LRP1B: variants seen among roughly 807,000 people sequenced by gnomAD.
LRP1B encodes LDL receptor related protein 1B, also known as low-density lipoprotein receptor-related protein 1B.
LRP1B carries 217 observed loss-of-function variants against 556.6 expected under a neutral mutation model. The observed-to-expected ratio is 0.39, with a 90% CI of 0.35 to 0.44. LRP1B has a LOEUF of 0.44. Among genes scored for constraint, LRP1B ranks in the 20% least tolerant of loss-of-function variants. The pLI is 1.00. For missense variants in LRP1B, 5,053 were observed against 5,620.8 expected, an observed-to-expected ratio of 0.90 and a Z score of 3.23; for synonymous variants, 2,047 against 1,865.8, an observed-to-expected ratio of 1.10 and a Z score of -2.50.
At chr2:141,396,626 A>G (rs1281422501) in intron 3 of LRP1B, among the ~76,000 whole-genome samples, 1 of 152,196 alleles carries the variant, frequency 6.6e-6, no homozygotes. Context: ...TTCAGGAATA[A>G]AATTGTAGAT....
chr2:141,813,471 T>G (rs1401607933), intron 1 of LRP1B, among the ~76,000 whole-genome samples: 1 of 151,824 alleles, frequency 6.6e-6, no homozygotes, highest in East Asian at 1.9e-4. Context: ...CTCAGCAAAT[T>G]TAAGGAACAC....
chr2:142,126,725 G>A (rs964856814), intron 1 of LRP1B, among the ~76,000 whole-genome samples: 1 of 151,728 alleles, frequency 6.6e-6, no homozygotes, highest in Non-Finnish European at 1.5e-5. Flanking sequence ...GGGAGGGAGA[G>A]TTGCACATTT....
intron 1 of LRP1B, among the ~76,000 whole-genome samples, chr2:141,952,748 A>G (rs1169020945): frequency 6.6e-6 from 1 of 152,156 alleles, no homozygotes; most frequent in Non-Finnish European, 1.5e-5. Flanking sequence ...CTATACATGG[A>G]TATGTAGCAA....
chr2:140,780,875 G>A (rs1488189771), intron 32 of LRP1B, among the ~76,000 whole-genome samples: 3 of 152,132 alleles, frequency 2.0e-5, no homozygotes, highest in Admixed American at 1.3e-4. Context: ...TAGCCAAACA[G>A]TGGGAGACAC....
rs186518122 is a variant in LRP1B, at chr2:142,000,621, C to T, written c.82+130027G>A. Among the ~76,000 whole-genome samples, 252 of 152,192 alleles carry T rather than the reference C, an allele frequency of 1.7e-3. 5 individuals carry two copies. The highest frequency in any genetic ancestry group is 6.8e-3 in the Middle Eastern group (2 of 294). ...AGAGAATTAAAATTAGGGTCTGTGT[C>T]CCAAACCAGCTCTTTGATAGTGTTA... On this transcript the variant is annotated intron_variant, in intron 1 of 90. Transcript: ENST00000389484.
chr2:141,114,492 T>G (rs13391141), intron 7 of LRP1B, among the ~76,000 whole-genome samples: 43,222 of 151,956 alleles, frequency 0.28, 6,623 homozygotes, highest in East Asian at 0.65. Flanking sequence ...GAATTTGGCC[T>G]TTCATGGCTG....
intron 82 of LRP1B, among the ~76,000 whole-genome samples, chr2:140,321,089 A>T (rs893215370): frequency 3.3e-5 from 5 of 152,124 alleles, no homozygotes; most frequent in South Asian, 2.1e-4. Context: ...AATAATTTTT[A>T]AAAGTATTAT....
At chr2:140,842,664 T>A (rs1692146377) in intron 29 of LRP1B, among the ~76,000 whole-genome samples, 1 of 152,142 alleles carries the variant, frequency 6.6e-6, no homozygotes, top group Non-Finnish European at 1.5e-5. Flanking sequence ...CTGCCACGTC[T>A]TATACATATT....
intron 79 of LRP1B, among the ~76,000 whole-genome samples, chr2:140,329,014 A>T (rs751900876): frequency 6.6e-6 from 1 of 152,110 alleles, no homozygotes; most frequent in Non-Finnish European, 1.5e-5. Flanking sequence ...AAATTGCTGC[A>T]ATCTGGGGGA....
At position 140,294,277 on chromosome 2, in the gene LRP1B, A is replaced by G. The variant is rs541005692; in HGVS notation, c.12967+3531T>C. Among the ~76,000 whole-genome samples the G allele has an allele frequency of 6.6e-5, 10 of 152,350 alleles. No individual in the cohort carries two copies. The South Asian group carries it at 2.1e-3, about 32-fold the overall frequency. ...TTGAACCACATACAGTTACAAGATC[A>G]TTGAACACTGATTAAATGTAATTTT... On this transcript the variant is annotated intron_variant, in intron 84 of 90. Transcript: ENST00000389484.
At chr2:140,979,142 C>A in intron 18 of LRP1B, among the ~76,000 whole-genome samples, 1 of 151,958 alleles carries the variant, frequency 6.6e-6, no homozygotes, top group East Asian at 1.9e-4. Context: ...ATCACACCGG[C>A]TTATTTTTGT....
rs77146489 is a variant in LRP1B at position 141,604,541 on chromosome 2, T to C, written c.206-124008A>G. On this transcript the variant is annotated intron_variant, in intron 2 of 90. Transcript: ENST00000389484. Reference sequence around the variant, plus strand: ...ATCCATGGACTGGCTTAAGAAACTGTCTTCCCATTTGGTACATTTTCTTCT... The same window carrying C: ...ATCCATGGACTGGCTTAAGAAACTGCCTTCCCATTTGGTACATTTTCTTCT... 8.5e-3 allele frequency among the ~76,000 whole-genome samples: 1,300 copies of C among 152,260 alleles called. 14 individuals are homozygous for C. The highest frequency in any genetic ancestry group is 0.02 in the Middle Eastern group (6 of 294).
intron 2 of LRP1B, among the ~76,000 whole-genome samples, chr2:141,787,502 TG>T: frequency 6.6e-6 from 1 of 151,786 alleles, no homozygotes. Context: ...GGCTACCCAT[TG>T]TATGAATCCA....
intron 84 of LRP1B, among the ~76,000 whole-genome samples, chr2:140,288,467 G>A (rs1683249129): frequency 6.6e-6 from 1 of 151,672 alleles, no homozygotes; most frequent in African/African-American, 2.4e-5. Flanking sequence ...AAATAACCAC[G>A]TTTAAAAGTT....
chr2:141,810,167 AGGAAAG>A (rs1279142804), intron 2 of LRP1B, 106 bp downstream of exon 2: 1 of 409,650 alleles, frequency 2.4e-6, no homozygotes, highest in Admixed American at 6.4e-5. Flanking sequence ...GAAAGAAAGA[AGGAAAG>A]AAAGAAAGAA....
At chr2:141,811,506 C>G (rs1036133625) in intron 1 of LRP1B, among the ~76,000 whole-genome samples, 1 of 151,852 alleles carries the variant, frequency 6.6e-6, no homozygotes, top group African/African-American at 2.4e-5. Context: ...GTACATATTT[C>G]CTTACTCTCC....
At chr2:141,367,033 G>C (rs1056788183) in intron 3 of LRP1B, among the ~76,000 whole-genome samples, 21 of 152,158 alleles carry the variant, frequency 1.4e-4, no homozygotes, top group African/African-American at 5.1e-4. Context: ...TTATGGACTT[G>C]CCTGAACCTT....
intron 1 of LRP1B, among the ~76,000 whole-genome samples, chr2:141,815,388 G>T (rs1177328291): frequency 6.6e-6 from 1 of 152,170 alleles, no homozygotes; most frequent in East Asian, 1.9e-4. Flanking sequence ...TGTCGTACAA[G>T]AGGACTGTAA....
At chr2:140,629,298 C>T (rs1476518952) in intron 41 of LRP1B, among the ~76,000 whole-genome samples, 3 of 151,400 alleles carry the variant, frequency 2.0e-5, no homozygotes, top group Non-Finnish European at 4.4e-5. Flanking sequence ...AAACTCCTGG[C>T]CTGTAGCGAT....
Sources: allele counts gnomAD v4.1 joint callset (sites outside exome capture counted in the v4.1 genomes callset), GRCh38; gene constraint gnomAD v4.1.1; transcripts MANE v1.5; gene names NCBI Gene and HGNC (gene_info 2026-07-23, HGNC 2026-07-21).